MAN1B1: variants seen among roughly 807,000 people sequenced by gnomAD.
MAN1B1 encodes the protein mannosidase alpha class 1B member 1.
In MAN1B1, 66 loss-of-function variants were observed where a neutral mutation model predicts 75.5. That is an observed-to-expected ratio of 0.87 (90% confidence interval 0.72 to 1.07). MAN1B1 has a LOEUF of 1.07. Ranked by LOEUF, MAN1B1 falls within the 50% of genes least tolerant of loss-of-function variation. The probability of loss-of-function intolerance (pLI) is 0.00; values close to 1 mark genes in which losing one functional copy is unlikely to be tolerated. For synonymous variants in MAN1B1, 453 were observed against 382.8 expected (o/e 1.18, Z -2.14); for missense variants, 973 against 912.5 (o/e 1.07, Z -0.85).
rs1407834709 is a variant in MAN1B1 at position 137,109,129 on chromosome 9, G to A, written c.*538G>A. 2.2e-6 allele frequency: 1 copy of A among 454,940 alleles called. No homozygotes were observed. Among genetic ancestry groups the A allele is most frequent in the South Asian group, 1.6e-5 (1 of 64,486 alleles). 28.2% of individuals were successfully genotyped at this position (454,940 alleles called of 1,614,324 possible). On this transcript the variant is annotated 3_prime_UTR_variant, in exon 13 of 13. Coordinates refer to ENST00000371589, the MANE Select transcript of MAN1B1 (RefSeq NM_016219.5). ...GGACGGCAAGTCCGTCTAGCTCACG[G>A]GCCCCTCCAGTGGAATGGGTCTTTT...
At position 137,099,858 on chromosome 9, in the gene MAN1B1, T is replaced by G; in HGVS notation, c.893T>G (p.Met298Arg). The change falls in exon 6 of 13, where the codon ATG (methionine) becomes AGG (arginine). Residue 298 changes from methionine to arginine, a missense_variant. Transcript: ENST00000371589. ...GLTLIDALDT[M>R]WILGLRKEFE... is the part of the protein sequence containing the mutation. Reference sequence around the variant, plus strand: ...ACACTGATCGACGCGCTGGACACCATGTGGATCTTGGGTCTGAGGAAAGGT... The same window carrying G: ...ACACTGATCGACGCGCTGGACACCAGGTGGATCTTGGGTCTGAGGAAAGGT... 1 of 1,614,158 alleles carries G rather than the reference T, an allele frequency of 6.2e-7. No homozygotes were observed. Among genetic ancestry groups the G allele is most frequent in the Non-Finnish European group, 8.5e-7 (1 of 1,180,034 alleles).
Position 137,106,754 on chromosome 9 carries a change from C to T in MAN1B1, c.1511C>T (p.Pro504Leu), listed in dbSNP as rs1284875306. ...VRTHLLRHSE[P>L]SKLTFVGELA... ...ACGCACCTGCTGCGGCACTCCGAGC[C>T]CAGTAAGCTCACCTTTGTGGGGGAG... The change falls in exon 10 of 13, where the codon CCC becomes CTC. Residue 504 changes from proline (P) to leucine (L), a missense_variant. Transcript: ENST00000371589. 3.1e-6 allele frequency: 5 copies of T among 1,613,516 alleles called. No homozygotes were observed. Among genetic ancestry groups the T allele is most frequent in the Non-Finnish European group, 4.2e-6 (5 of 1,179,984 alleles).
Position 137,088,950 on chromosome 9 carries a change from C to T in MAN1B1, c.410C>T (p.Pro137Leu), listed in dbSNP as rs992384640. The change falls in exon 3 of 13, where the codon CCA (proline) becomes CTA (leucine). Residue 137 changes from proline (P) to leucine (L), a missense_variant. Transcript: ENST00000371589. ...GLKPANPPVLPAPQKADTDPE... is the reference protein window; with the variant it reads ...GLKPANPPVLLAPQKADTDPE... Reference sequence around the variant, plus strand: ...AAACCAGCAAATCCACCCGTCTTACCAGCTCCTCAGAAGGCGGACACCGAC... The same window carrying T: ...AAACCAGCAAATCCACCCGTCTTACTAGCTCCTCAGAAGGCGGACACCGAC... 3 of 1,614,000 alleles carry T rather than the reference C, an allele frequency of 1.9e-6. No individual in the cohort carries two copies. Among genetic ancestry groups the T allele is most frequent in the Non-Finnish European group, 1.7e-6 (2 of 1,180,006 alleles).
chr9:137,100,213 T>C (rs555742568), intron 6 of MAN1B1, among the ~76,000 whole-genome samples: 46 of 152,368 alleles, frequency 3.0e-4, no homozygotes, highest in African/African-American at 1.1e-3. Flanking sequence ...GTCCCAGATC[T>C]CAGCAGCATC....
chr9:137,095,695 C>T (rs922906695), intron 3 of MAN1B1, among the ~76,000 whole-genome samples: 1 of 152,224 alleles, frequency 6.6e-6, no homozygotes, highest in East Asian at 1.9e-4. Context: ...TCCCACGCTC[C>T]TGTTCACGTG....
At chr9:137,089,785 GAGA>G (rs985213808) in intron 3 of MAN1B1, among the ~76,000 whole-genome samples, 3 of 152,130 alleles carry the variant, frequency 2.0e-5, no homozygotes, top group Admixed American at 6.5e-5. Flanking sequence ...TGGGCCTTGG[GAGA>G]AGGAGGGTGA....
chr9:137,106,144 C>G lies in MAN1B1; in HGVS notation c.1274C>G (p.Thr425Arg). The change falls in exon 9 of 13, where the codon ACA becomes AGA. Residue 425 changes from threonine to arginine, a missense_variant. Physicochemically the swap from Thr to Arg is moderately conservative, Grantham distance 71. Transcript: ENST00000371589. ...CCGCAGGAGGCAGTGGAGAAGGTGA[C>G]ACAGCACATCCACGGCCTGTCTGGG... ...KKFQEAVEKV[T>R]QHIHGLSGKK... The G allele has an allele frequency of 6.2e-7, 1 of 1,613,004 alleles. No homozygotes were observed. Among genetic ancestry groups the G allele is most frequent in the Non-Finnish European group, 8.5e-7 (1 of 1,179,930 alleles).
intron 12 of MAN1B1, 144 bp downstream of exon 12, chr9:137,107,806 C>T (rs1279600730): frequency 8.6e-7 from 1 of 1,169,374 alleles, no homozygotes; most frequent in Non-Finnish European, 1.2e-6. Flanking sequence ...TCGGGGTGGC[C>T]ACACTGCAGC....
intron 8 of MAN1B1, chr9:137,102,400 C>CAT (rs1830871997): frequency 2.4e-6 from 1 of 416,898 alleles, no homozygotes; most frequent in Admixed American, 2.7e-5. Context: ...CTGTTACACA[C>CAT]GCTGTTGCAG....
intron 7 of MAN1B1, 26 bp downstream of exon 7, chr9:137,101,179 G>A (rs746533181): frequency 3.2e-5 from 52 of 1,612,708 alleles, no homozygotes; most frequent in Admixed American, 3.0e-4. Flanking sequence ...TGTCCTGCAG[G>A]GAGATGGTGG....
chr9:137,098,442 C>T (rs904153864), intron 5 of MAN1B1, among the ~76,000 whole-genome samples: 3 of 152,198 alleles, frequency 2.0e-5, no homozygotes, highest in East Asian at 1.9e-4. Context: ...CCCCCAGAGT[C>T]GTTTGCTTGT....
chr9:137,095,373 T>TAA (rs1272042411), intron 3 of MAN1B1, among the ~76,000 whole-genome samples: 2 of 144,964 alleles, frequency 1.4e-5, no homozygotes. Flanking sequence ...TTTCCTTTTT[T>TAA]AAAAAAAAAA....
intron 3 of MAN1B1, among the ~76,000 whole-genome samples, chr9:137,091,483 C>A (rs1011381322): frequency 6.7e-6 from 1 of 148,964 alleles, no homozygotes; most frequent in Non-Finnish European, 1.5e-5. Flanking sequence ...TTTCTGTTAA[C>A]GTTTTACTTT....
Position 137,096,250 on chromosome 9 carries a change from A to G in MAN1B1, c.479A>G (p.His160Arg). 2.5e-6 allele frequency: 4 copies of G among 1,614,162 alleles called. No individual in the cohort carries two copies. The highest frequency in any genetic ancestry group is 3.4e-6 in the Non-Finnish European group (4 of 1,180,026). ...ATTTCTCTACAGAAGACACAAAGAC[A>G]CATCCAGCGGGGACCACCTCACCTG... ...PEISSQKTQR[H>R]IQRGPPHLQI... is the part of the protein sequence containing the mutation. Residue 160 changes from histidine to arginine, a missense_variant, in exon 4 of 13, where the codon CAC becomes CGC. By Grantham distance (29) the His-to-Arg change is conservative. Transcript: ENST00000371589.
At chr9:137,089,054 G>C in intron 3 of MAN1B1, 49 bp downstream of exon 3, 4 of 1,609,066 alleles carry the variant, frequency 2.5e-6, no homozygotes, top group Non-Finnish European at 3.4e-6. Context: ...CAATCCAGAG[G>C]CATTTCAAAC....
intron 8 of MAN1B1, chr9:137,104,221 A>C (rs1588641655): frequency 2.7e-6 from 1 of 368,256 alleles, no homozygotes; most frequent in African/African-American, 2.2e-5. Context: ...GTGCAGTCAC[A>C]CACGATTTGT....
intron 5 of MAN1B1, among the ~76,000 whole-genome samples, chr9:137,098,346 C>G (rs1344682381): frequency 6.6e-6 from 1 of 152,220 alleles, no homozygotes; most frequent in African/African-American, 2.4e-5. Context: ...GACCTGAGGC[C>G]TCTTTCAACC....
At chr9:137,100,290 A>G (rs1360226040) in intron 6 of MAN1B1, among the ~76,000 whole-genome samples, 1 of 152,182 alleles carries the variant, frequency 6.6e-6, no homozygotes, top group African/African-American at 2.4e-5. Context: ...GCGATAATTT[A>G]AACATTTGCC....
At chr9:137,105,520 T>G (rs1588648427) in intron 8 of MAN1B1, 2 of 243,822 alleles carry the variant, frequency 8.2e-6, no homozygotes, top group South Asian at 4.2e-5. Flanking sequence ...TGGGCATGGG[T>G]TTGGGTGTCT....
Sources: allele counts gnomAD v4.1 joint callset (sites outside exome capture counted in the v4.1 genomes callset), GRCh38; gene constraint gnomAD v4.1.1; transcripts MANE v1.5; gene names NCBI Gene and HGNC (gene_info 2026-07-23, HGNC 2026-07-21).